Variants in DNAH11 observed in about 807,000 individuals in gnomAD.
DNAH11 encodes the protein axonemal beta dynein heavy chain 11.
In DNAH11, 442 loss-of-function variants were observed where a neutral mutation model predicts 526.0. That is an observed-to-expected ratio of 0.84 (90% CI 0.78 to 0.91). The LOEUF is 0.91. Among genes scored for constraint, DNAH11 ranks in the 40% least tolerant of loss-of-function variants. The pLI, the probability that DNAH11 is intolerant of heterozygous loss-of-function variation, is 0.00. For missense variants in DNAH11, 6,989 were observed against 5,448.7 expected (o/e 1.28, Z -8.90); for synonymous variants, 2,461 against 1,935.9 (o/e 1.27, Z -7.12).
chr7:21,614,120 A>G (rs576134408), intron 20 of DNAH11, among the ~76,000 whole-genome samples: 5 of 152,260 alleles, frequency 3.3e-5, no homozygotes, highest in South Asian at 4.1e-4. Flanking sequence ...AATATATACA[A>G]TTTTTATTTG....
intron 80 of DNAH11, 112 bp from the exon 81 acceptor site, chr7:21,899,868 C>T: frequency 1.5e-6 from 2 of 1,366,344 alleles, no homozygotes; most frequent in Admixed American, 2.5e-5. Context: ...TGCCAATGCC[C>T]AAGAACCTAA....
intron 56 of DNAH11, 111 bp from the exon 57 acceptor site, chr7:21,778,847 A>G: frequency 7.5e-7 from 1 of 1,329,804 alleles, no homozygotes; most frequent in South Asian, 1.6e-5. Flanking sequence ...GTAGAGACAG[A>G]TGCAAGATAC....
At chr7:21,789,169 A>G in intron 60 of DNAH11, 72 bp from the exon 61 acceptor site, 1 of 1,091,968 alleles carries the variant, frequency 9.2e-7, no homozygotes, top group Non-Finnish European at 1.3e-6. Flanking sequence ...TTTAATTGTA[A>G]AGCATCCATC....
At position 21,858,966 on chromosome 7, in the gene DNAH11, C is replaced by A. The variant is rs1782957152; in HGVS notation, c.11203-2887C>A. Among the ~76,000 whole-genome samples, 3 of 152,152 alleles carry A rather than the reference C, an allele frequency of 2.0e-5. 1 individual carries two copies. The highest frequency in any genetic ancestry group is 2.0e-4 in the Admixed American group (3 of 15,268). On this transcript the variant is annotated intron_variant, in intron 68 of 81. Transcript: ENST00000409508. ...AACCAGAATGCTCCAAAATCTGAAACTTTTTGAATGCTGACAAGATGCCCC... is the reference window on the plus strand; with the variant it reads ...AACCAGAATGCTCCAAAATCTGAAAATTTTTGAATGCTGACAAGATGCCCC...
intron 30 of DNAH11, among the ~76,000 whole-genome samples, chr7:21,672,317 G>A (rs545078630): frequency 1.8e-4 from 27 of 152,256 alleles, no homozygotes; most frequent in African/African-American, 4.3e-4. Flanking sequence ...AGTGTGTCTC[G>A]CTCTATTGTC....
chr7:21,606,598 T>C, intron 19 of DNAH11, 49 bp from the exon 20 acceptor site: 3 of 1,557,452 alleles, frequency 1.9e-6, no homozygotes, highest in Middle Eastern at 1.7e-4. Context: ...ATAATTGAAG[T>C]ATTTGTTTGA....
At chr7:21,845,086 T>C (rs1043692081) in intron 66 of DNAH11, among the ~76,000 whole-genome samples, 6 of 152,142 alleles carry the variant, frequency 3.9e-5, no homozygotes, top group African/African-American at 1.4e-4. Context: ...TATGTTAGCA[T>C]AAAAAAGTTG....
Position 21,543,122 on chromosome 7 carries a change from G to A in DNAH11, c.-124G>A, listed in dbSNP as rs1285166926. ...AAGTAGCAGCAGGTGGGAGACTAGG[G>A]TCTGCGCTCGCGGCGACCGCGGAGG... is the stretch of plus-strand genomic sequence containing the variant. On this transcript the variant is annotated 5_prime_UTR_variant, in exon 1 of 82. Transcript: ENST00000409508. 7.0e-7 allele frequency: 1 copy of A among 1,432,786 alleles called. No homozygotes were observed. Among genetic ancestry groups the A allele is most frequent in the Non-Finnish European group, 9.1e-7 (1 of 1,100,756 alleles). 88.8% of individuals were successfully genotyped at this position (1,432,786 alleles called of 1,614,324 possible). A position where few individuals can be genotyped will look rare whatever the true frequency, so the allele number is the denominator to read the frequency against.
chr7:21,665,467 T>G (rs1177764928), intron 30 of DNAH11, among the ~76,000 whole-genome samples: 1 of 152,144 alleles, frequency 6.6e-6, no homozygotes, highest in African/African-American at 2.4e-5. Flanking sequence ...TGCAAGATAG[T>G]GCCAAATTTA....
At chr7:21,579,311 C>A (rs1784223378) in intron 8 of DNAH11, among the ~76,000 whole-genome samples, 1 of 152,130 alleles carries the variant, frequency 6.6e-6, no homozygotes, top group South Asian at 2.1e-4. Context: ...CAGCTATGTC[C>A]TGGGAACTCC....
At chr7:21,762,109 C>A (rs141304671) in intron 54 of DNAH11, among the ~76,000 whole-genome samples, 2 of 152,072 alleles carry the variant, frequency 1.3e-5, no homozygotes, top group Non-Finnish European at 2.9e-5. Flanking sequence ...ATGGGGGAAA[C>A]CACCCCCATG....
intron 42 of DNAH11, among the ~76,000 whole-genome samples, chr7:21,712,547 C>G (rs1273350413): frequency 2.6e-5 from 4 of 152,172 alleles, no homozygotes; most frequent in Non-Finnish European, 5.9e-5. Context: ...GTTATTTTCC[C>G]TTTTTCTAAC....
At chr7:21,865,147 A>G (rs1054134726) in intron 70 of DNAH11, among the ~76,000 whole-genome samples, 7 of 152,124 alleles carry the variant, frequency 4.6e-5, no homozygotes, top group African/African-American at 9.7e-5. Context: ...TCAATTATCA[A>G]TCCTCATTGC....
At chr7:21,610,348 C>G (rs529767330) in intron 20 of DNAH11, among the ~76,000 whole-genome samples, 87 of 152,266 alleles carry the variant, frequency 5.7e-4, no homozygotes, top group African/African-American at 2.0e-3. Context: ...TATACTACCC[C>G]TCTGATTAAG....
intron 66 of DNAH11, among the ~76,000 whole-genome samples, chr7:21,847,386 T>C (rs116094473): frequency 0.011 from 1,708 of 152,352 alleles, 40 homozygotes; most frequent in African/African-American, 0.038. Context: ...TGTTGTATTT[T>C]TGTTTGCATT....
intron 36 of DNAH11, among the ~76,000 whole-genome samples, chr7:21,700,180 T>A (rs2128477639): frequency 6.6e-6 from 1 of 152,318 alleles, no homozygotes; most frequent in South Asian, 2.1e-4. Flanking sequence ...GTTCTAATTC[T>A]GTCTAGGACA....
chr7:21,852,930 A>G (rs1324537334), intron 67 of DNAH11, among the ~76,000 whole-genome samples: 1 of 152,190 alleles, frequency 6.6e-6, no homozygotes, highest in Non-Finnish European at 1.5e-5. Context: ...ATGGCTGAAA[A>G]TCTGAAAAGC....
chr7:21,803,463 A>G (rs527994477), intron 62 of DNAH11, among the ~76,000 whole-genome samples: 43 of 152,188 alleles, frequency 2.8e-4, no homozygotes, highest in Non-Finnish European at 8.8e-5. Context: ...GAGAAAGGGA[A>G]CAATCTGTAT....
At chr7:21,882,039 A>G (rs1783940674) in intron 75 of DNAH11, among the ~76,000 whole-genome samples, 1 of 152,240 alleles carries the variant, frequency 6.6e-6, no homozygotes, top group African/African-American at 2.4e-5. Flanking sequence ...ACTATTGCAC[A>G]TAAAATTATA....
Sources: allele counts gnomAD v4.1 joint callset (sites outside exome capture counted in the v4.1 genomes callset), GRCh38; gene constraint gnomAD v4.1.1; transcripts MANE v1.5; gene names NCBI Gene and HGNC (gene_info 2026-07-23, HGNC 2026-07-21).